HHLA1: variants seen among roughly 807,000 people sequenced by gnomAD.
The protein encoded by HHLA1 is HHLA1 neighbor of OC90.
In HHLA1, 72 loss-of-function variants were observed where a neutral mutation model predicts 69.9. The ratio of observed to expected loss-of-function variants is 1.03; its 90% CI spans 0.85 to 1.25. The LOEUF is 1.25. Ranked by LOEUF, HHLA1 falls within the 50% of genes most tolerant of loss-of-function variation. HHLA1 has a pLI of 0.00. For missense variants in HHLA1, 685 were observed against 642.2 expected, an observed-to-expected ratio of 1.07 and a Z score of -0.72; for synonymous variants, 252 against 233.2, an observed-to-expected ratio of 1.08 and a Z score of -0.73.
chr8:132,076,555 T>C lies in HHLA1; in HGVS notation c.1172-12A>G, dbSNP rs1823648203. 3 of 1,508,496 alleles carry C rather than the reference T, an allele frequency of 2.0e-6. No individual in the cohort carries two copies. Among genetic ancestry groups the C allele is most frequent in the Non-Finnish European group, 2.7e-6 (3 of 1,127,634 alleles). The allele number at this position is 1,508,496 out of a possible 1,614,324, so 93.4% of individuals were successfully genotyped here. The stretch of plus-strand genomic sequence containing the variant: ...ATGGGTGAATGCTCCTGGGAGGAGA[T>C]GAGAGAGAGGTGAGCCTGCATCTCT... On this transcript the variant is annotated splice_polypyrimidine_tract_variant and intron_variant, in intron 12 of 16. Transcript: ENST00000414222.
chr8:132,076,518 A>T lies in HHLA1; in HGVS notation c.1197T>A (p.Thr399=). 2 of 1,442,344 alleles carry T rather than the reference A, an allele frequency of 1.4e-6. No individual in the cohort carries two copies. The highest frequency in any genetic ancestry group is 3.1e-5 in the East Asian group (1 of 32,204). 89.3% of individuals were successfully genotyped at this position (1,442,344 alleles called of 1,614,324 possible). A position where few individuals can be genotyped will look rare whatever the true frequency, so the allele number is the denominator to read the frequency against. The change falls in exon 13 of 17, where the codon ACT becomes ACA. Residue 399 remains threonine, a synonymous_variant. Transcript: ENST00000414222. ...GGGCTGTTGCCTTGGTTGGACTCGG[A>T]GTCTGTGTGCCATGGGTGAATGCTC... The part of the protein sequence containing the change: ...TLGAFTHGTQ[T]PSPTKATAPR...
intron 3 of HHLA1, among the ~76,000 whole-genome samples, chr8:132,100,692 C>T (rs1824098247): frequency 6.6e-6 from 1 of 152,192 alleles, no homozygotes; most frequent in Non-Finnish European, 1.5e-5. Context: ...GGAATGAACC[C>T]GGTCTCCAGC....
chr8:132,090,665 G>A (rs1258986745), intron 7 of HHLA1, among the ~76,000 whole-genome samples: 2 of 151,898 alleles, frequency 1.3e-5, no homozygotes, highest in African/African-American at 4.8e-5. Flanking sequence ...CCTGGAGGGA[G>A]AACACCTATG....
chr8:132,108,544 T>C (rs1824243593), intron 1 of HHLA1, among the ~76,000 whole-genome samples: 1 of 152,174 alleles, frequency 6.6e-6, no homozygotes, highest in Admixed American at 6.5e-5. Flanking sequence ...TCCGTGACAC[T>C]TGCAGAAAAG....
At chr8:132,103,958 G>C in intron 3 of HHLA1, 150 bp downstream of exon 3, 1 of 605,564 alleles carries the variant, frequency 1.7e-6, no homozygotes. Flanking sequence ...ATAAAGAAAT[G>C]AGTAGCTCAC....
chr8:132,068,729 G>A (rs1318920473), intron 15 of HHLA1, among the ~76,000 whole-genome samples: 1 of 152,232 alleles, frequency 6.6e-6, no homozygotes, highest in Non-Finnish European at 1.5e-5. Flanking sequence ...GCAGCAGCCT[G>A]AATAGAAGAG....
chr8:132,106,235 G>C (rs10111409), intron 1 of HHLA1, among the ~76,000 whole-genome samples: 1 of 152,026 alleles, frequency 6.6e-6, no homozygotes, highest in Non-Finnish European at 1.5e-5. Flanking sequence ...GAGAATGTGC[G>C]CTTGGATTGG....
In HHLA1 at chr8:132,072,812, A is replaced by C. The variant is rs771399742; in HGVS notation, c.1316-1319T>G. 1.2e-4 allele frequency among the ~76,000 whole-genome samples: 18 copies of C among 152,210 alleles called. 1 individual carries two copies. Among genetic ancestry groups the C allele is most frequent in the Non-Finnish European group, 2.2e-4 (15 of 68,034 alleles). ...GTAGATGTTAACCGATAGCAATATA[A>C]ATAATTCTTGTCTAAGAGCAATGCT... On this transcript the variant is annotated intron_variant, in intron 14 of 16. Coordinates refer to ENST00000414222, the MANE Select transcript of HHLA1 (RefSeq NM_001145095.3).
intron 1 of HHLA1, among the ~76,000 whole-genome samples, chr8:132,107,842 A>AGTTG (rs1486108344): frequency 6.6e-6 from 1 of 151,790 alleles, no homozygotes; most frequent in African/African-American, 2.4e-5. Context: ...TAGTTTGGAG[A>AGTTG]GAGTTTTATA....
At chr8:132,083,440 C>T (rs1373497776) in intron 10 of HHLA1, among the ~76,000 whole-genome samples, 1 of 152,048 alleles carries the variant, frequency 6.6e-6, no homozygotes, top group East Asian at 1.9e-4. Flanking sequence ...TGAGAGTTAC[C>T]CGAAGCTTGG....
chr8:132,093,489 C>T (rs1823975443), intron 7 of HHLA1, among the ~76,000 whole-genome samples: 1 of 152,116 alleles, frequency 6.6e-6, no homozygotes, highest in South Asian at 2.1e-4. Flanking sequence ...AAGTCACCTT[C>T]CCCGAAGGTG....
intron 7 of HHLA1, among the ~76,000 whole-genome samples, chr8:132,094,933 C>T (rs1823999531): frequency 6.6e-6 from 1 of 152,122 alleles, no homozygotes; most frequent in Non-Finnish European, 1.5e-5. Context: ...ATAGGGAACA[C>T]ATAATACTTT....
At position 132,105,184 on chromosome 8, in the gene HHLA1, C is replaced by T; in HGVS notation, c.79+3G>A. ...ACACTTGCAGAACTCCAGCTAGACC[C>T]ACCTGTGTTCCAAAGGGACAAGACA... On this transcript the variant is annotated splice_donor_region_variant and intron_variant, in intron 2 of 16. Coordinates refer to ENST00000414222, the MANE Select transcript of HHLA1 (RefSeq NM_001145095.3). The T allele has an allele frequency of 1.9e-6, 3 of 1,550,310 alleles. No homozygotes were observed. The highest frequency in any genetic ancestry group is 2.6e-6 in the Non-Finnish European group (3 of 1,145,462).
chr8:132,098,920 G>T lies in HHLA1; in HGVS notation c.242C>A (p.Thr81Lys). The T allele has an allele frequency of 6.4e-7, 1 of 1,551,420 alleles. No homozygotes were observed. The highest frequency in any genetic ancestry group is 8.7e-7 in the Non-Finnish European group (1 of 1,146,710). The part of the protein sequence containing the change: ...RSIDLSALNL[T>K]ELVNGMLSRA... ...ACTGAGCATCCCATTCACAAGCTCT[G>T]TCAGGTTAAGCGCGGACAGATCGAT... The change falls in exon 5 of 17, where the codon ACA becomes AAA. Residue 81 changes from threonine to lysine, a missense_variant. Physicochemically the swap from Thr to Lys is moderately conservative, Grantham distance 78 (BLOSUM62 -1). Coordinates refer to ENST00000414222, the MANE Select transcript of HHLA1 (RefSeq NM_001145095.3).
rs190113144 is a variant in HHLA1, at chr8:132,097,463, A to G, written c.280+1419T>C. On this transcript the variant is annotated intron_variant, in intron 5 of 16. Coordinates refer to ENST00000414222, the MANE Select transcript of HHLA1 (RefSeq NM_001145095.3). The stretch of plus-strand genomic sequence containing the variant: ...TCAACGTCTGCATCTAGAAAATGGG[A>G]GTGAGAGTACCACCACGTGGAGGTT... 1.8e-3 allele frequency among the ~76,000 whole-genome samples: 278 copies of G among 152,290 alleles called. 1 individual carries two copies. Among genetic ancestry groups the G allele is most frequent in the African/African-American group, 6.4e-3 (266 of 41,550 alleles).
intron 1 of HHLA1, 103 bp from the exon 2 acceptor site, chr8:132,105,389 G>C: frequency 1.3e-6 from 1 of 778,098 alleles, no homozygotes; most frequent in Non-Finnish European, 2.2e-6. Flanking sequence ...TCTGAAAAAG[G>C]CTTTGTACTA....
At position 132,104,244 on chromosome 8, in the gene HHLA1, T is replaced by C. The variant is rs192213227; in HGVS notation, c.80-77A>G. The C allele has an allele frequency of 1.5e-4, 147 of 982,452 alleles. No individual in the cohort carries two copies. The African/African-American group carries it at 2.2e-3, about 15-fold the overall frequency. The allele number at this position is 982,452 out of a possible 1,614,324, so 60.9% of individuals were successfully genotyped here. The stretch of plus-strand genomic sequence containing the variant: ...GAGATAATTTGATTCAACATACCCA[T>C]TTTACAGATGAGAGAATTATGATCT... On this transcript the variant is annotated intron_variant, in intron 2 of 16. Transcript: ENST00000414222.
Position 132,100,076 on chromosome 8 carries a change from C to G in HHLA1, c.198G>C (p.Thr66=), listed in dbSNP as rs77008582. The G allele has an allele frequency of 1.9e-6, 3 of 1,551,258 alleles. No homozygotes were observed. Among genetic ancestry groups the G allele is most frequent in the Non-Finnish European group, 2.6e-6 (3 of 1,146,604 alleles). The change falls in exon 4 of 17, where the codon ACG becomes ACC. Residue 66 remains threonine (T), a splice_region_variant and synonymous_variant. Coordinates refer to ENST00000414222, the MANE Select transcript of HHLA1 (RefSeq NM_001145095.3). ...GGGATTTGGGGGAGCGGCACTCACC[C>G]GTCGTAGCAAGAAATGCCACCCCCT... The part of the protein sequence containing the change: ...KEKGVAFLAT[T]ELPARSIDLS...
chr8:132,092,428 G>A (rs1231168404), intron 7 of HHLA1, among the ~76,000 whole-genome samples: 1 of 152,154 alleles, frequency 6.6e-6, no homozygotes, highest in African/African-American at 2.4e-5. Flanking sequence ...ATGTCAAATT[G>A]CAATCCACAA....
Sources: allele counts gnomAD v4.1 joint callset (sites outside exome capture counted in the v4.1 genomes callset), GRCh38; gene constraint gnomAD v4.1.1; transcripts MANE v1.5; gene names NCBI Gene and HGNC (gene_info 2026-07-23, HGNC 2026-07-21).